The following LHFPL1 variants were observed in gnomAD, a reference collection of about 807,000 sequenced individuals.
The protein encoded by LHFPL1 is LHFPL tetraspan subfamily member 1 protein.
LHFPL1 carries 4 observed loss-of-function variants against 12.1 expected under a neutral mutation model. That is an observed-to-expected ratio of 0.33 (90% CI 0.16 to 0.76). The LOEUF (loss-of-function observed/expected upper bound fraction) is 0.76. LHFPL1 is among the 30% of genes least tolerant of loss of function. The pLI, the probability that LHFPL1 is intolerant of heterozygous loss-of-function variation, is 0.61. For missense variants in LHFPL1, 141 were observed against 174.1 expected, an observed-to-expected ratio of 0.81 and a Z score of 1.07; for synonymous variants, 52 against 61.9, an observed-to-expected ratio of 0.84 and a Z score of 0.75.
chrX:112,653,299 G>A (rs1446270765), intron 3 of LHFPL1, among the ~76,000 whole-genome samples: 3 of 111,323 alleles, frequency 2.7e-5, no homozygotes, highest in African/African-American at 9.8e-5. Flanking sequence ...AGACTCCCAG[G>A]CCTGGGTTTA....
intron 1 of LHFPL1, among the ~76,000 whole-genome samples, chrX:112,673,414 C>G (rs746929874): frequency 1.9e-4 from 21 of 111,460 alleles, no homozygotes; most frequent in Non-Finnish European, 3.6e-4. Flanking sequence ...TGCTGTTAGA[C>G]AGCAGGTATG....
At chrX:112,632,485 G>C (rs1162048975) in intron 3 of LHFPL1, among the ~76,000 whole-genome samples, 1 of 111,313 alleles carries the variant, frequency 9.0e-6, no homozygotes, top group Non-Finnish European at 1.9e-5. Context: ...CTAAAATAAA[G>C]TGCTTAAGCA....
At chrX:112,672,568 C>G (rs1365975967) in intron 1 of LHFPL1, among the ~76,000 whole-genome samples, 1 of 111,897 alleles carries the variant, frequency 8.9e-6, no homozygotes, top group Non-Finnish European at 1.9e-5. Flanking sequence ...CTCCATGATT[C>G]ACCACCATTA....
At chrX:112,655,708 T>C (rs5973948) in intron 3 of LHFPL1, among the ~76,000 whole-genome samples, 1,770 of 111,633 alleles carry the variant, frequency 0.016, 30 homozygotes, top group African/African-American at 0.055. Context: ...GCTGGGACTA[T>C]AGGTGAACAT....
At chrX:112,647,581 A>G (rs747796794) in intron 3 of LHFPL1, among the ~76,000 whole-genome samples, 108 of 112,707 alleles carry the variant, frequency 9.6e-4, no homozygotes, top group Middle Eastern at 4.6e-3. Context: ...AAAGCTCATC[A>G]TCACTGGTCA....
chrX:112,632,467 G>A (rs899931182), intron 3 of LHFPL1, among the ~76,000 whole-genome samples: 1 of 111,400 alleles, frequency 9.0e-6, no homozygotes, highest in Non-Finnish European at 1.9e-5. Flanking sequence ...TATCAAAGTG[G>A]CTAACTGCTA....
At chrX:112,646,366 G>T (rs1280774257) in intron 3 of LHFPL1, among the ~76,000 whole-genome samples, 4 of 104,157 alleles carry the variant, frequency 3.8e-5, no homozygotes, top group Non-Finnish European at 7.8e-5. Context: ...GGGGGGGTGC[G>T]GGGGCTGGTA....
intron 3 of LHFPL1, among the ~76,000 whole-genome samples, chrX:112,646,901 T>C (rs1930707348): frequency 9.0e-6 from 1 of 111,409 alleles, no homozygotes. Flanking sequence ...AGGAAAAAAG[T>C]CATTGTAGCA....
At chrX:112,673,431 C>T (rs886301501) in intron 1 of LHFPL1, among the ~76,000 whole-genome samples, 1 of 111,253 alleles carries the variant, frequency 9.0e-6, no homozygotes, top group Non-Finnish European at 1.9e-5. Context: ...TATGGTTGGC[C>T]GCAATGAGGT....
At chrX:112,655,577 C>T (rs527527704) in intron 3 of LHFPL1, among the ~76,000 whole-genome samples, 5 of 111,176 alleles carry the variant, frequency 4.5e-5, no homozygotes, top group Admixed American at 2.9e-4. Flanking sequence ...TGATAATGCC[C>T]GCCTCTATTC....
chrX:112,649,067 C>T (rs1930777277), intron 3 of LHFPL1, among the ~76,000 whole-genome samples: 1 of 111,338 alleles, frequency 9.0e-6, no homozygotes, highest in Admixed American at 9.5e-5. Context: ...ACTTTAGCTC[C>T]CAATTGTTTT....
At chrX:112,666,173 C>A (rs1931327118) in intron 2 of LHFPL1, among the ~76,000 whole-genome samples, 1 of 111,988 alleles carries the variant, frequency 8.9e-6, no homozygotes, top group Non-Finnish European at 1.9e-5. Flanking sequence ...CTGCCCTGAG[C>A]AGAAGCCTAG....
chrX:112,666,103 T>C (rs1473201851), intron 2 of LHFPL1, among the ~76,000 whole-genome samples: 2 of 112,161 alleles, frequency 1.8e-5, no homozygotes, highest in African/African-American at 6.5e-5. Flanking sequence ...TCAATTCCCT[T>C]GTCTTTGCAT....
At chrX:112,668,832 G>C (rs1931409890) in intron 2 of LHFPL1, among the ~76,000 whole-genome samples, 1 of 112,204 alleles carries the variant, frequency 8.9e-6, no homozygotes, top group South Asian at 3.7e-4. Flanking sequence ...TCTCAGTTGA[G>C]CCCAAAAGAG....
At position 112,663,438 on chromosome X, in the gene LHFPL1, T is replaced by C. The variant is rs554499335; in HGVS notation, c.383-2713A>G. Among the ~76,000 whole-genome samples the C allele has an allele frequency of 1.2e-4, 13 of 110,731 alleles. No individual in the cohort carries two copies. The South Asian group carries it at 4.3e-3, about 36-fold the overall frequency. On this transcript the variant is annotated intron_variant, in intron 2 of 3. Coordinates refer to ENST00000371968, the MANE Select transcript of LHFPL1 (RefSeq NM_178175.4). Reference sequence around the variant, plus strand: ...AACAGACAGCTTCCTTTGCCCACACTGCCCAAGGGGAAAGTCCCTTCTGAA... The same window carrying C: ...AACAGACAGCTTCCTTTGCCCACACCGCCCAAGGGGAAAGTCCCTTCTGAA...
intron 3 of LHFPL1, among the ~76,000 whole-genome samples, chrX:112,647,193 C>T (rs1482168513): frequency 1.8e-5 from 2 of 111,859 alleles, no homozygotes; most frequent in African/African-American, 6.5e-5. Flanking sequence ...GCAGCTGTGT[C>T]TCATTAGAGA....
intron 3 of LHFPL1, among the ~76,000 whole-genome samples, chrX:112,633,435 C>A (rs988721311): frequency 8.9e-6 from 1 of 112,484 alleles, no homozygotes; most frequent in Admixed American, 9.4e-5. Context: ...TGCATGTGCA[C>A]GTGTACGCAT....
At chrX:112,677,895 C>T (rs955292208) in intron 1 of LHFPL1, among the ~76,000 whole-genome samples, 2 of 110,820 alleles carry the variant, frequency 1.8e-5, no homozygotes, top group African/African-American at 6.6e-5. Context: ...GTTTGCTGAA[C>T]TTCTTTCTGG....
intron 2 of LHFPL1, among the ~76,000 whole-genome samples, chrX:112,662,384 G>A (rs980158271): frequency 1.8e-4 from 20 of 111,946 alleles, no homozygotes; most frequent in African/African-American, 5.8e-4. Context: ...CCTCACTGAG[G>A]AAGAGTCCAT....
Sources: allele counts gnomAD v4.1 joint callset (sites outside exome capture counted in the v4.1 genomes callset), GRCh38; gene constraint gnomAD v4.1.1; transcripts MANE v1.5; gene names NCBI Gene and HGNC (gene_info 2026-07-23, HGNC 2026-07-21).